The following NLGN4X variants were observed in gnomAD, a reference collection of about 807,000 sequenced individuals.
NLGN4X encodes neuroligin-4, X-linked.
Under a neutral mutation model 40.3 loss-of-function variants are expected in NLGN4X, and 3 were observed. The observed-to-expected ratio is 0.07, with a 90% CI of 0.03 to 0.19. The LOEUF (loss-of-function observed/expected upper bound fraction) is 0.19. Among genes scored for constraint, NLGN4X ranks in the 10% least tolerant of loss-of-function variants. The probability of loss-of-function intolerance (pLI) is 1.00; values close to 1 mark genes in which losing one functional copy is unlikely to be tolerated. For synonymous variants in NLGN4X, 270 were observed against 306.8 expected (o/e 0.88, Z 1.25); for missense variants, 382 against 708.3 (o/e 0.54, Z 5.23).
chrX:5,923,093 T>C (rs1234925764), intron 3 of NLGN4X, among the ~76,000 whole-genome samples: 1 of 111,529 alleles, frequency 9.0e-6, no homozygotes, highest in African/African-American at 3.3e-5. Flanking sequence ...ACCCTAACTA[T>C]TAAGCCATAT....
chrX:6,151,549 G>A lies in NLGN4X; in HGVS notation c.-83C>T. The A allele has an allele frequency of 2.4e-6, 2 of 822,898 alleles. No homozygotes were observed. The highest frequency in any genetic ancestry group is 2.1e-5 in the South Asian group (1 of 47,112). 67.8% of individuals were successfully genotyped at this position (822,898 alleles called of 1,213,427 possible). A position where few individuals can be genotyped will look rare whatever the true frequency, so the allele number is the denominator to read the frequency against. ...AAGCCCAGAGGCGAGCCTGCAGAGA[G>A]ATAGGGCTTTCCAGGGAGCAGTAGA... is the stretch of plus-strand genomic sequence containing the variant. On this transcript the variant is annotated 5_prime_UTR_variant, in exon 2 of 6. Coordinates refer to ENST00000381095, the MANE Select transcript of NLGN4X (RefSeq NM_181332.3).
intron 3 of NLGN4X, among the ~76,000 whole-genome samples, chrX:5,958,696 T>C (rs1489676954): frequency 8.9e-6 from 1 of 112,093 alleles, no homozygotes; most frequent in Non-Finnish European, 1.9e-5. Context: ...TCTCTGCACA[T>C]CATTCTCTTC....
intron 1 of NLGN4X, among the ~76,000 whole-genome samples, chrX:6,221,847 G>A (rs746592717): frequency 1.3e-3 from 144 of 110,659 alleles, no homozygotes; most frequent in African/African-American, 4.3e-3. Context: ...GGACTTGCCC[G>A]TCCCATACTC....
At chrX:6,225,676 TC>T (rs1926156685) in intron 1 of NLGN4X, among the ~76,000 whole-genome samples, 6 of 85,784 alleles carry the variant, frequency 7.0e-5, no homozygotes, top group Admixed American at 2.8e-4. Flanking sequence ...TCCTTTTTTT[TC>T]TTTCTTTTTT....
At chrX:6,167,081 A>T (rs1261576072) in intron 1 of NLGN4X, among the ~76,000 whole-genome samples, 6 of 106,897 alleles carry the variant, frequency 5.6e-5, no homozygotes, top group Non-Finnish European at 9.6e-5. Context: ...AAAAAAAAAA[A>T]AAAAAAAAAA....
chrX:6,044,821 C>T (rs5915629), intron 2 of NLGN4X, among the ~76,000 whole-genome samples: 47,031 of 110,697 alleles, frequency 0.42, 7,437 homozygotes, highest in Admixed American at 0.5. Context: ...CCTAAAACTG[C>T]GCTAATAAAG....
chrX:6,170,906 C>G (rs1466657569), intron 1 of NLGN4X, among the ~76,000 whole-genome samples: 1 of 111,534 alleles, frequency 9.0e-6, no homozygotes, highest in Admixed American at 9.6e-5. Context: ...TCACCGCAGC[C>G]CCAACCTTCC....
At chrX:6,199,796 T>A (rs1303073076) in intron 1 of NLGN4X, among the ~76,000 whole-genome samples, 1 of 112,209 alleles carries the variant, frequency 8.9e-6, no homozygotes, top group Admixed American at 9.5e-5. Flanking sequence ...ATGAGGAAGT[T>A]TTTTTAAAGA....
At chrX:5,894,115 G>C (rs73450221) in intron 5 of NLGN4X, among the ~76,000 whole-genome samples, 2,243 of 111,610 alleles carry the variant, frequency 0.02, 44 homozygotes, top group African/African-American at 0.069. Context: ...GTAGACGAAG[G>C]GTTGTTCTAT....
chrX:5,996,178 G>A (rs778657413), intron 3 of NLGN4X, among the ~76,000 whole-genome samples: 71 of 111,872 alleles, frequency 6.3e-4, no homozygotes, highest in Non-Finnish European at 1.1e-3. Flanking sequence ...TCAAAGCAGC[G>A]CCTCCCCTGA....
At chrX:6,091,572 C>T (rs770746332) in intron 2 of NLGN4X, among the ~76,000 whole-genome samples, 2 of 111,403 alleles carry the variant, frequency 1.8e-5, no homozygotes, top group Non-Finnish European at 3.8e-5. Context: ...AAAACCAATA[C>T]TGGATGAGTT....
chrX:6,038,825 C>T (rs1225249873), intron 2 of NLGN4X, among the ~76,000 whole-genome samples: 2 of 111,859 alleles, frequency 1.8e-5, no homozygotes, highest in Admixed American at 1.9e-4. Flanking sequence ...GAAGGTCATC[C>T]TTTTGTGATG....
intron 2 of NLGN4X, among the ~76,000 whole-genome samples, chrX:6,135,019 T>C (rs766737115): frequency 8.9e-6 from 1 of 112,713 alleles, no homozygotes; most frequent in Non-Finnish European, 1.9e-5. Context: ...CAAATTGGCT[T>C]ATCCTTCAGT....
At chrX:5,928,148 G>T (rs1332312710) in intron 3 of NLGN4X, among the ~76,000 whole-genome samples, 1 of 112,157 alleles carries the variant, frequency 8.9e-6, no homozygotes, top group Non-Finnish European at 1.9e-5. Flanking sequence ...CTATCTTCAT[G>T]CTAAGTCTCA....
chrX:6,195,163 T>C (rs1430106407), intron 1 of NLGN4X, among the ~76,000 whole-genome samples: 1 of 112,016 alleles, frequency 8.9e-6, no homozygotes, highest in Admixed American at 9.5e-5. Flanking sequence ...AGCTAATATG[T>C]ACATAGTGGG....
chrX:6,095,932 C>T (rs779823472), intron 2 of NLGN4X, among the ~76,000 whole-genome samples: 9 of 112,270 alleles, frequency 8.0e-5, no homozygotes, highest in African/African-American at 2.3e-4. Flanking sequence ...ATAGCCGCTA[C>T]ATCTGAATAT....
intron 3 of NLGN4X, among the ~76,000 whole-genome samples, chrX:5,964,783 T>C (rs1370040576): frequency 8.9e-6 from 1 of 112,032 alleles, no homozygotes; most frequent in Non-Finnish European, 1.9e-5. Flanking sequence ...CCTCCAAAAG[T>C]ACTGGGATTA....
intron 1 of NLGN4X, among the ~76,000 whole-genome samples, chrX:6,200,687 C>CTTTTTTTTTTTTTTTTT (rs767226691): frequency 1.3e-4 from 7 of 55,573 alleles, no homozygotes; most frequent in African/African-American, 1.7e-4. Flanking sequence ...CTTTCCTTTT[C>CTTTTTTTTTTTTTTTTT]TTTTTTTTTT....
chrX:6,225,363 T>C (rs755415330), intron 1 of NLGN4X, among the ~76,000 whole-genome samples: 379 of 109,152 alleles, frequency 3.5e-3, no homozygotes, highest in Non-Finnish European at 5.8e-3. Context: ...GAAATAATTC[T>C]CCACTCTCCA....
Sources: gnomAD v4.1 joint callset for allele counts (sites outside exome capture counted in the v4.1 genomes callset) on GRCh38, gnomAD v4.1.1 for gene constraint, MANE v1.5 for transcripts, NCBI Gene and HGNC (gene_info 2026-07-23, HGNC 2026-07-21) for gene names.